RAD51B: variants seen among roughly 807,000 people sequenced by gnomAD.
RAD51B encodes DNA repair protein RAD51 homolog 2.
A neutral mutation model predicts 42.2 loss-of-function variants in RAD51B; 38 were observed. The observed-to-expected ratio is 0.90, with a 90% confidence interval of 0.70 to 1.18. RAD51B has a LOEUF of 1.18. Among genes scored for constraint, RAD51B ranks in the 50% most tolerant of loss-of-function variants. The probability of loss-of-function intolerance (pLI) is 0.00; values close to 1 mark genes in which losing one functional copy is unlikely to be tolerated. For synonymous variants in RAD51B, 154 were observed against 145.2 expected, an observed-to-expected ratio of 1.06 and a Z score of -0.43; for missense variants, 373 against 400.7, an observed-to-expected ratio of 0.93 and a Z score of 0.59.
intron 7 of RAD51B, among the ~76,000 whole-genome samples, chr14:68,236,910 AC>A (rs1368236116): frequency 1.3e-5 from 2 of 152,200 alleles, no homozygotes; most frequent in Non-Finnish European, 2.9e-5. Flanking sequence ...CAGCCCCTTA[AC>A]TAATTGTAAC....
intron 7 of RAD51B, among the ~76,000 whole-genome samples, chr14:67,961,878 A>C (rs1285829981): frequency 6.6e-6 from 1 of 152,222 alleles, no homozygotes; most frequent in Non-Finnish European, 1.5e-5. Flanking sequence ...CGCTGACTAC[A>C]GCAGAAAACT....
chr14:68,671,672 G>A (rs1893161670), intron 11 of RAD51B, among the ~76,000 whole-genome samples: 2 of 152,004 alleles, frequency 1.3e-5, no homozygotes, highest in Non-Finnish European at 2.9e-5. Flanking sequence ...AAACCGCCTT[G>A]TATGTTCTGT....
intron 7 of RAD51B, among the ~76,000 whole-genome samples, chr14:68,237,523 T>C (rs998529955): frequency 1.3e-5 from 2 of 152,158 alleles, no homozygotes; most frequent in Admixed American, 6.5e-5. Context: ...CATTATCAAG[T>C]TTGAGAACAT....
intron 7 of RAD51B, among the ~76,000 whole-genome samples, chr14:68,184,139 GTACTTGGAT>G (rs1264427373): frequency 1.3e-5 from 2 of 151,306 alleles, no homozygotes; most frequent in African/African-American, 4.9e-5. Context: ...GCATGCACCT[GTACTTGGAT>G]GTCCCAGTGG....
At chr14:68,672,734 C>T (rs1893183961) in intron 11 of RAD51B, among the ~76,000 whole-genome samples, 1 of 152,158 alleles carries the variant, frequency 6.6e-6, no homozygotes, top group Admixed American at 6.5e-5. Context: ...GAAATCCCAT[C>T]GATCATAAGA....
intron 8 of RAD51B, among the ~76,000 whole-genome samples, chr14:68,356,932 G>A (rs967490679): frequency 1.4e-5 from 2 of 139,458 alleles, no homozygotes; most frequent in Non-Finnish European, 3.0e-5. Flanking sequence ...GCAGTGAGCC[G>A]AGATCCCGCC....
At chr14:68,521,540 G>A (rs566303887) in intron 10 of RAD51B, among the ~76,000 whole-genome samples, 5 of 152,346 alleles carry the variant, frequency 3.3e-5, no homozygotes, top group African/African-American at 1.2e-4. Context: ...TCACACAGAT[G>A]TATGAATAAT....
At chr14:68,428,781 G>T (rs2140128812) in intron 9 of RAD51B, among the ~76,000 whole-genome samples, 5 of 129,884 alleles carry the variant, frequency 3.8e-5, no homozygotes, top group East Asian at 2.1e-4. Flanking sequence ...TATACTTTAA[G>T]TTCTAGGGTA....
chr14:68,587,653 C>T (rs1013187578), intron 10 of RAD51B, among the ~76,000 whole-genome samples: 18 of 152,052 alleles, frequency 1.2e-4, no homozygotes, highest in African/African-American at 4.3e-4. Context: ...AAGTCCTACC[C>T]CAGTCCCGCA....
chr14:68,021,481 G>A (rs969176368), intron 7 of RAD51B, among the ~76,000 whole-genome samples: 2 of 152,134 alleles, frequency 1.3e-5, no homozygotes. Flanking sequence ...AGTCTTCCCT[G>A]CCACTTTTAG....
At chr14:68,645,916 G>C (rs1280962660) in intron 10 of RAD51B, among the ~76,000 whole-genome samples, 1 of 143,160 alleles carries the variant, frequency 7.0e-6, no homozygotes, top group East Asian at 1.9e-4. Context: ...AGGATTGCTA[G>C]ATAAAATACA....
intron 7 of RAD51B, among the ~76,000 whole-genome samples, chr14:68,052,372 CT>C (rs796853850): frequency 0.017 from 2,456 of 145,938 alleles, 54 homozygotes; most frequent in African/African-American, 0.055. Flanking sequence ...GGTATATTTA[CT>C]TTTTTTTTTT....
intron 7 of RAD51B, among the ~76,000 whole-genome samples, chr14:68,005,436 T>C (rs971118559): frequency 2.6e-5 from 4 of 152,194 alleles, no homozygotes; most frequent in Non-Finnish European, 4.4e-5. Context: ...GGTGGACTTA[T>C]TTGCACATTT....
At chr14:67,995,558 T>C (rs913952486) in intron 7 of RAD51B, among the ~76,000 whole-genome samples, 2 of 151,942 alleles carry the variant, frequency 1.3e-5, no homozygotes, top group African/African-American at 2.4e-5. Context: ...CCCATACTGC[T>C]TTTTTCCCCC....
intron 7 of RAD51B, among the ~76,000 whole-genome samples, chr14:68,151,517 ATC>A (rs1038012956): frequency 1.3e-4 from 19 of 151,838 alleles, no homozygotes; most frequent in Admixed American, 9.2e-4. Flanking sequence ...CTACCTTCTC[ATC>A]TTTGGGGTCT....
chr14:68,606,524 C>T (rs1891453170), intron 10 of RAD51B, among the ~76,000 whole-genome samples: 1 of 151,956 alleles, frequency 6.6e-6, no homozygotes. Context: ...TTTTTTCCTC[C>T]AAAAATATCT....
chr14:67,930,355 C>T (rs971783242), intron 7 of RAD51B, among the ~76,000 whole-genome samples: 1 of 151,608 alleles, frequency 6.6e-6, no homozygotes, highest in Non-Finnish European at 1.5e-5. Flanking sequence ...TTTTTTTCCA[C>T]TCCCTTGAGC....
chr14:67,878,892 A>G (rs1364509605), intron 5 of RAD51B, among the ~76,000 whole-genome samples: 2 of 152,002 alleles, frequency 1.3e-5, no homozygotes, highest in Non-Finnish European at 2.9e-5. Context: ...TTGAATTTTT[A>G]AATTAAAGAC....
chr14:68,294,448 G>C (rs1214623552), intron 8 of RAD51B, among the ~76,000 whole-genome samples: 1 of 152,154 alleles, frequency 6.6e-6, no homozygotes, highest in Non-Finnish European at 1.5e-5. Context: ...TTAAGTTCCT[G>C]TGATTTACAC....
Sources: gnomAD v4.1 joint callset for allele counts (sites outside exome capture counted in the v4.1 genomes callset) on GRCh38, gnomAD v4.1.1 for gene constraint, MANE v1.5 for transcripts, NCBI Gene and HGNC (gene_info 2026-07-23, HGNC 2026-07-21) for gene names.